Variants in ASAP1 observed in about 807,000 individuals in gnomAD.
ASAP1 encodes the protein ArfGAP with SH3 domain, ankyrin repeat and PH domain 1.
ASAP1 carries 43 observed loss-of-function variants against 145.2 expected under a neutral mutation model. The ratio of observed to expected loss-of-function variants is 0.30; its 90% confidence interval spans 0.23 to 0.38. The LOEUF (loss-of-function observed/expected upper bound fraction) is 0.38, where lower values mean the gene tolerates loss of function less well. Ranked by LOEUF, ASAP1 falls within the 10% of genes least tolerant of loss-of-function variation. The pLI, the probability that ASAP1 is intolerant of heterozygous loss-of-function variation, is 1.00. For synonymous variants in ASAP1, 546 were observed against 515.5 expected (o/e 1.06, Z -0.80); for missense variants, 1,018 against 1,355.3 (o/e 0.75, Z 3.91).
At chr8:130,136,193 C>T (rs1214081047) in intron 14 of ASAP1, among the ~76,000 whole-genome samples, 1 of 152,136 alleles carries the variant, frequency 6.6e-6, no homozygotes, top group African/African-American at 2.4e-5. Context: ...GGTAAGCACA[C>T]CCATAGGAAT....
At chr8:130,185,501 G>A (rs984879798) in intron 7 of ASAP1, among the ~76,000 whole-genome samples, 2 of 152,102 alleles carry the variant, frequency 1.3e-5, no homozygotes, top group African/African-American at 4.8e-5. Flanking sequence ...GCTGAGGCAG[G>A]TGGATACCTG....
chr8:130,083,507 G>C (rs1311788496), intron 25 of ASAP1: 1 of 152,180 alleles, frequency 6.6e-6, no homozygotes, highest in African/African-American at 2.4e-5. Context: ...CTGTACTGCT[G>C]ACCAGTGGGT....
intron 28 of ASAP1, among the ~76,000 whole-genome samples, chr8:130,058,459 A>G (rs2097409434): frequency 6.6e-6 from 1 of 152,228 alleles, no homozygotes; most frequent in Admixed American, 6.5e-5. Context: ...TGTTTTTAGG[A>G]AACATGATGT....
At chr8:130,385,337 A>C (rs1419894209) in intron 2 of ASAP1, among the ~76,000 whole-genome samples, 1 of 152,216 alleles carries the variant, frequency 6.6e-6, no homozygotes, top group Non-Finnish European at 1.5e-5. Flanking sequence ...GAGCCAAAGC[A>C]GAACAGAGAC....
chr8:130,164,517 G>A (rs2097676055), intron 11 of ASAP1, among the ~76,000 whole-genome samples: 1 of 152,158 alleles, frequency 6.6e-6, no homozygotes, highest in Non-Finnish European at 1.5e-5. Flanking sequence ...CTTGAACCTG[G>A]GAGGCAGAGG....
intron 2 of ASAP1, among the ~76,000 whole-genome samples, chr8:130,384,501 C>A (rs905844585): frequency 6.6e-6 from 1 of 152,036 alleles, no homozygotes; most frequent in African/African-American, 2.4e-5. Flanking sequence ...TTTTTTCAGA[C>A]GGAGTCTCAC....
chr8:130,256,739 T>TATATATATATATCCA (rs1565142439), intron 3 of ASAP1, among the ~76,000 whole-genome samples: 1 of 95,904 alleles, frequency 1.0e-5, no homozygotes, highest in East Asian at 2.8e-4. Flanking sequence ...ATACACATTC[T>TATATATATATATCCA]TATATATATA....
rs183925552 is a variant in ASAP1 at position 130,268,284 on chromosome 8, G to A, written c.187-31290C>T. 3.9e-5 allele frequency among the ~76,000 whole-genome samples: 6 copies of A among 152,156 alleles called. No individual in the cohort carries two copies. In the East Asian group the frequency reaches 5.8e-4, roughly 15 times the overall value. ...GTAGAGCACTTGAGCCCAGGAGCTC[G>A]AGACCAGCCTGGGAAACACAGCAAG... On this transcript the variant is annotated intron_variant, in intron 3 of 29. Transcript: ENST00000518721.
chr8:130,266,994 C>T (rs1231268411), intron 3 of ASAP1, among the ~76,000 whole-genome samples: 2 of 151,522 alleles, frequency 1.3e-5, no homozygotes, highest in Non-Finnish European at 2.9e-5. Flanking sequence ...AATGAGAAAG[C>T]TTAATATTAA....
chr8:130,442,929 G>A (rs755657350), intron 1 of ASAP1, among the ~76,000 whole-genome samples: 5 of 152,118 alleles, frequency 3.3e-5, no homozygotes, highest in Non-Finnish European at 7.4e-5. Flanking sequence ...GCTCCAAGTA[G>A]GACTCCCCCC....
At chr8:130,090,169 T>G (rs1268046502) in intron 25 of ASAP1, among the ~76,000 whole-genome samples, 1 of 152,072 alleles carries the variant, frequency 6.6e-6, no homozygotes, top group African/African-American at 2.4e-5. Context: ...TCTAAAAAAG[T>G]GATGATTTTC....
intron 24 of ASAP1, among the ~76,000 whole-genome samples, chr8:130,111,210 CAAAAA>C (rs768575084): frequency 2.2e-4 from 9 of 41,698 alleles, no homozygotes; most frequent in African/African-American, 8.2e-4. Flanking sequence ...TCATCTCTAC[CAAAAA>C]AAAAAAAAAA....
At chr8:130,331,183 G>T (rs550078805) in intron 3 of ASAP1, among the ~76,000 whole-genome samples, 61 of 152,328 alleles carry the variant, frequency 4.0e-4, no homozygotes, top group South Asian at 1.0e-3. Flanking sequence ...CAAAGTTAAG[G>T]AAAGGGGGCA....
chr8:130,056,945 G>A (rs2097405584), intron 29 of ASAP1, among the ~76,000 whole-genome samples: 1 of 152,202 alleles, frequency 6.6e-6, no homozygotes, highest in African/African-American at 2.4e-5. Flanking sequence ...ATAGATGTGT[G>A]GACTGCCCTC....
At chr8:130,111,209 C>A (rs567947382) in intron 24 of ASAP1, among the ~76,000 whole-genome samples, 1 of 52,548 alleles carries the variant, frequency 1.9e-5, no homozygotes, top group Non-Finnish European at 4.0e-5. Flanking sequence ...CTCATCTCTA[C>A]CAAAAAAAAA....
At chr8:130,353,100 T>C (rs1826094089) in intron 3 of ASAP1, among the ~76,000 whole-genome samples, 1 of 152,252 alleles carries the variant, frequency 6.6e-6, no homozygotes, top group Non-Finnish European at 1.5e-5. Flanking sequence ...ATGAATGTTC[T>C]ATACTATTTC....
chr8:130,223,995 T>TG (rs1274674059), intron 4 of ASAP1, among the ~76,000 whole-genome samples: 7 of 152,230 alleles, frequency 4.6e-5, no homozygotes, highest in African/African-American at 1.7e-4. Flanking sequence ...GGATTCACCC[T>TG]GACTCTTTCA....
intron 22 of ASAP1, 27 bp from the exon 23 acceptor site, chr8:130,115,762 T>C (rs1489298509): frequency 6.6e-7 from 1 of 1,510,356 alleles, no homozygotes; most frequent in Non-Finnish European, 9.2e-7. Context: ...ATGTGCACCA[T>C]TTTAATTTAA....
chr8:130,056,721 G>A (rs529859915), intron 29 of ASAP1, among the ~76,000 whole-genome samples: 25 of 152,216 alleles, frequency 1.6e-4, no homozygotes, highest in Non-Finnish European at 2.8e-4. Context: ...GTATTCTTAG[G>A]TACTGCTGGC....
Sources: allele counts gnomAD v4.1 joint callset (sites outside exome capture counted in the v4.1 genomes callset), GRCh38; gene constraint gnomAD v4.1.1; transcripts MANE v1.5; gene names NCBI Gene and HGNC (gene_info 2026-07-23, HGNC 2026-07-21).